The following ATAD1 variants were observed in gnomAD, a reference collection of about 807,000 sequenced individuals.
ATAD1 encodes ATPase family AAA domain containing 1, also known as outer mitochondrial transmembrane helix translocase.
Under a neutral mutation model 42.7 loss-of-function variants are expected in ATAD1, and 18 were observed. The ratio of observed to expected loss-of-function variants is 0.42; its 90% CI spans 0.29 to 0.63. The LOEUF (loss-of-function observed/expected upper bound fraction) is 0.63. ATAD1 is among the 20% of genes least tolerant of loss of function. The pLI is 0.19. For synonymous variants in ATAD1, 132 were observed against 143.1 expected (o/e 0.92, Z 0.55); for missense variants, 294 against 440.4 (o/e 0.67, Z 2.98).
At chr10:87,798,933 C>T (rs1564768598) in intron 2 of ATAD1, among the ~76,000 whole-genome samples, 1 of 151,872 alleles carries the variant, frequency 6.6e-6, no homozygotes, top group Non-Finnish European at 1.5e-5. Context: ...ATCAGCATGC[C>T]TAATATGTCT....
Position 87,790,432 on chromosome 10 carries a change from TG to T in ATAD1, c.262-3del. 6.3e-7 allele frequency: 1 copy of T among 1,597,022 alleles called. No homozygotes were observed. The highest frequency in any genetic ancestry group is 8.5e-7 in the Non-Finnish European group (1 of 1,176,108). ...ACCTGCTATATCACTCCAAGTAACCTGGCAAAAGTTAAGGTCAACATGAATT... is the reference window on the plus strand; with the variant it reads ...ACCTGCTATATCACTCCAAGTAACCTGCAAAAGTTAAGGTCAACATGAATT... On this transcript the variant is annotated splice_region_variant and splice_polypyrimidine_tract_variant and intron_variant, in intron 3 of 9. Transcript: ENST00000680024.
intron 4 of ATAD1, among the ~76,000 whole-genome samples, chr10:87,785,473 G>A (rs1043470679): frequency 6.6e-6 from 1 of 150,584 alleles, no homozygotes; most frequent in Admixed American, 6.6e-5. Flanking sequence ...TACTAAGATG[G>A]TTATTAAAAT....
intron 9 of ATAD1, among the ~76,000 whole-genome samples, chr10:87,755,179 A>T (rs896115588): frequency 6.6e-6 from 1 of 152,244 alleles, no homozygotes; most frequent in African/African-American, 2.4e-5. Flanking sequence ...ATTCCAATTT[A>T]AAAAATCACG....
At chr10:87,785,348 C>T (rs1378005937) in intron 4 of ATAD1, among the ~76,000 whole-genome samples, 2 of 150,598 alleles carry the variant, frequency 1.3e-5, no homozygotes, top group African/African-American at 4.9e-5. Context: ...AATGAGATAG[C>T]ATTTTCTAAA....
At chr10:87,830,932 A>T (rs1169903700) in intron 1 of ATAD1, among the ~76,000 whole-genome samples, 1 of 152,230 alleles carries the variant, frequency 6.6e-6, no homozygotes, top group African/African-American at 2.4e-5. Context: ...TCTCAGGATT[A>T]AAAGGAATAC....
At chr10:87,799,289 A>G (rs1856565815) in intron 2 of ATAD1, among the ~76,000 whole-genome samples, 1 of 152,192 alleles carries the variant, frequency 6.6e-6, no homozygotes, top group Non-Finnish European at 1.5e-5. Context: ...CCAGCCCCAA[A>G]CAGAATGATC....
intron 8 of ATAD1, among the ~76,000 whole-genome samples, chr10:87,762,546 C>A (rs926860162): frequency 6.6e-6 from 1 of 151,622 alleles, no homozygotes; most frequent in African/African-American, 2.4e-5. Context: ...CTCACTGCAA[C>A]CTCTGCCTCC....
intron 8 of ATAD1, among the ~76,000 whole-genome samples, chr10:87,763,050 C>T (rs1225477758): frequency 7.5e-6 from 1 of 132,782 alleles, no homozygotes; most frequent in Non-Finnish European, 1.5e-5. Context: ...CACTGCACTC[C>T]AGCCTGGGCG....
intron 8 of ATAD1, among the ~76,000 whole-genome samples, chr10:87,758,871 C>G (rs1394967760): frequency 6.6e-6 from 1 of 152,164 alleles, no homozygotes; most frequent in Non-Finnish European, 1.5e-5. Flanking sequence ...ATTCACAATA[C>G]TGGAAGATTT....
At chr10:87,801,096 A>G (rs1856670684) in intron 2 of ATAD1, among the ~76,000 whole-genome samples, 1 of 152,202 alleles carries the variant, frequency 6.6e-6, no homozygotes, top group Non-Finnish European at 1.5e-5. Context: ...CAAGATTAAA[A>G]TTTTGGAGAC....
intron 2 of ATAD1, among the ~76,000 whole-genome samples, chr10:87,812,678 T>C (rs533815708): frequency 1.5e-4 from 23 of 152,340 alleles, no homozygotes; most frequent in Non-Finnish European, 2.9e-4. Context: ...TTTTAAACAC[T>C]GGTAAATTAC....
At chr10:87,804,354 C>T (rs899074587) in intron 2 of ATAD1, among the ~76,000 whole-genome samples, 1 of 152,094 alleles carries the variant, frequency 6.6e-6, no homozygotes, top group Non-Finnish European at 1.5e-5. Flanking sequence ...ACCACAATTT[C>T]AAGAAAATTA....
chr10:87,787,938 T>C (rs1855914776), intron 4 of ATAD1, among the ~76,000 whole-genome samples: 1 of 152,208 alleles, frequency 6.6e-6, no homozygotes, highest in African/African-American at 2.4e-5. Flanking sequence ...AAAATTTATA[T>C]ACCAAAATAA....
chr10:87,835,823 A>G (rs2132116975), intron 1 of ATAD1, among the ~76,000 whole-genome samples: 1 of 152,286 alleles, frequency 6.6e-6, no homozygotes, highest in South Asian at 2.1e-4. Context: ...CCTTGTTAAA[A>G]AAGTTTTTAA....
chr10:87,835,477 G>A lies in ATAD1; in HGVS notation c.-14+5710C>T, dbSNP rs996587751. On this transcript the variant is annotated intron_variant, in intron 1 of 4. Transcript: ENST00000495903. ...GTCTGATAGTAATATAACTATTCTCGCTTCCTTTTGGTTAGTGTTCACATG... is the reference window on the plus strand; with the variant it reads ...GTCTGATAGTAATATAACTATTCTCACTTCCTTTTGGTTAGTGTTCACATG... Among the ~76,000 whole-genome samples the A allele has an allele frequency of 7.2e-5, 11 of 151,776 alleles. No homozygotes were observed. The South Asian group carries it at 1.0e-3, about 14-fold the overall frequency.
At position 87,783,535 on chromosome 10, in the gene ATAD1, A is replaced by G. The variant is rs548198139; in HGVS notation, c.583+935T>C. Among the ~76,000 whole-genome samples the G allele has an allele frequency of 5.9e-5, 9 of 152,176 alleles. No homozygotes were observed. In the South Asian group the frequency reaches 1.9e-3, roughly 32 times the overall value. On this transcript the variant is annotated intron_variant, in intron 5 of 9. Coordinates refer to ENST00000680024, the MANE Select transcript of ATAD1 (RefSeq NM_001321967.2). ...TATTTGTATCTATTTTTCTCTCTAC[A>G]TATTTACATAGCCTATCATACTAAA... is the stretch of plus-strand genomic sequence containing the variant.
chr10:87,820,721 A>G (rs1282287619), upstream of ATAD1, among the ~76,000 whole-genome samples: 1 of 152,132 alleles, frequency 6.6e-6, no homozygotes, highest in African/African-American at 2.4e-5. Flanking sequence ...AAATGCCTAC[A>G]CCTATATGTT....
chr10:87,837,713 T>A lies in ATAD1; in HGVS notation c.-14+3474A>T, dbSNP rs149695642. Among the ~76,000 whole-genome samples the A allele has an allele frequency of 9.3e-3, 1,414 of 152,250 alleles. 25 individuals are homozygous for A. Among genetic ancestry groups the A allele is most frequent in the African/African-American group, 0.032 (1,328 of 41,526 alleles). ...TGGTATGTACTTTCTGGGGCTACAC[T>A]ATGTCCAGGGCTCAGCAGTGGAAGG... On this transcript the variant is annotated intron_variant, in intron 1 of 4. Transcript: ENST00000495903.
intron 1 of ATAD1, among the ~76,000 whole-genome samples, chr10:87,827,786 G>A (rs1490918556): frequency 1.3e-5 from 2 of 152,124 alleles, no homozygotes; most frequent in African/African-American, 4.8e-5. Flanking sequence ...GCCTTTAAAT[G>A]TTTAAGTGAA....
Sources: gnomAD v4.1 joint callset for allele counts (sites outside exome capture counted in the v4.1 genomes callset) on GRCh38, gnomAD v4.1.1 for gene constraint, MANE v1.5 for transcripts, NCBI Gene and HGNC (gene_info 2026-07-23, HGNC 2026-07-21) for gene names.